The following CADM2 variants were observed in gnomAD, a reference collection of about 807,000 sequenced individuals.
CADM2 encodes immunoglobulin superfamily member 4D.
A neutral mutation model predicts 49.8 loss-of-function variants in CADM2; 12 were observed. The ratio of observed to expected loss-of-function variants is 0.24; its 90% CI spans 0.15 to 0.39. CADM2 has a LOEUF of 0.39. CADM2 is among the 10% of genes least tolerant of loss of function. The pLI, the probability that CADM2 is intolerant of heterozygous loss-of-function variation, is 1.00. For synonymous variants in CADM2, 214 were observed against 175.4 expected, an observed-to-expected ratio of 1.22 and a Z score of -1.74; for missense variants, 378 against 492.3, an observed-to-expected ratio of 0.77 and a Z score of 2.20.
chr3:85,689,355 C>A, intron 1 of CADM2, among the ~76,000 whole-genome samples: 1 of 151,450 alleles, frequency 6.6e-6, no homozygotes, highest in African/African-American at 2.4e-5. Context: ...TTAAATGTTG[C>A]AAAGAAAAAA....
At chr3:85,390,622 G>T (rs1430385303) in intron 1 of CADM2, among the ~76,000 whole-genome samples, 1 of 151,940 alleles carries the variant, frequency 6.6e-6, no homozygotes, top group African/African-American at 2.4e-5. Flanking sequence ...GTTTAATCCT[G>T]TTTTGGGATC....
chr3:85,294,925 C>A (rs943539903), intron 1 of CADM2, among the ~76,000 whole-genome samples: 3 of 152,118 alleles, frequency 2.0e-5, no homozygotes, highest in African/African-American at 4.8e-5. Flanking sequence ...GCAACAAAAG[C>A]CAAAATTGAC....
At chr3:85,507,580 T>C (rs2040416046) in intron 1 of CADM2, among the ~76,000 whole-genome samples, 1 of 152,214 alleles carries the variant, frequency 6.6e-6, no homozygotes, top group East Asian at 1.9e-4. Context: ...GATCTGTCAC[T>C]TTGCAAGTTT....
chr3:85,311,628 G>A (rs1191922913), intron 1 of CADM2, among the ~76,000 whole-genome samples: 6 of 151,842 alleles, frequency 4.0e-5, no homozygotes, highest in African/African-American at 1.5e-4. Flanking sequence ...CGCCCGCCTC[G>A]GCCTCCCAAA....
chr3:85,497,813 T>C (rs1378670444), intron 1 of CADM2, among the ~76,000 whole-genome samples: 1 of 152,152 alleles, frequency 6.6e-6, no homozygotes, highest in Non-Finnish European at 1.5e-5. Flanking sequence ...TTTCTAAAGC[T>C]ATCTATCTGT....
intron 1 of CADM2, among the ~76,000 whole-genome samples, chr3:85,074,650 G>A: frequency 6.6e-6 from 1 of 152,064 alleles, no homozygotes; most frequent in East Asian, 1.9e-4. Context: ...GTAGCAACCT[G>A]GGGGGCAGAA....
chr3:85,890,825 T>C (rs974459268), intron 5 of CADM2, among the ~76,000 whole-genome samples: 9 of 152,114 alleles, frequency 5.9e-5, no homozygotes, highest in African/African-American at 1.9e-4. Context: ...GGGACAAAAG[T>C]AGGTGGTAGG....
intron 1 of CADM2, among the ~76,000 whole-genome samples, chr3:85,530,322 G>GTTTTTT (rs57504567): frequency 0.015 from 453 of 31,224 alleles, 40 homozygotes; most frequent in Non-Finnish European, 0.022. Flanking sequence ...TCTTTTCTCC[G>GTTTTTT]TTTTTTTTTT....
chr3:85,674,074 G>A (rs983449669), intron 1 of CADM2, among the ~76,000 whole-genome samples: 1 of 152,044 alleles, frequency 6.6e-6, no homozygotes, highest in Non-Finnish European at 1.5e-5. Context: ...GTTAAGGTTG[G>A]AATGCAGCAG....
intron 7 of CADM2, among the ~76,000 whole-genome samples, chr3:85,945,212 C>G (rs1198396081): frequency 1.3e-5 from 2 of 152,046 alleles, no homozygotes; most frequent in African/African-American, 4.8e-5. Context: ...CATACACCCT[C>G]CCAAGACTAA....
Position 86,070,204 on chromosome 3 carries a change from C to T in CADM2, c.*3421C>T, listed in dbSNP as rs991137071. On this transcript the variant is annotated 3_prime_UTR_variant, in exon 10 of 10. Coordinates refer to ENST00000383699, the MANE Select transcript of CADM2 (RefSeq NM_001167675.2). ...AACTTTCCTAAATATGGCAAAGAAA[C>T]TAACACCTCATTTATTTTTATTTCT... 2 of 151,862 alleles carry T rather than the reference C, an allele frequency of 1.3e-5. No homozygotes were observed. The highest frequency in any genetic ancestry group is 2.9e-5 in the Non-Finnish European group (2 of 67,826). The allele number at this position is 151,862 out of a possible 1,614,324, so 9.4% of individuals were successfully genotyped here.
intron 1 of CADM2, among the ~76,000 whole-genome samples, chr3:85,440,781 A>G (rs1343347418): frequency 1.3e-5 from 2 of 152,084 alleles, no homozygotes; most frequent in Non-Finnish European, 2.9e-5. Flanking sequence ...TCAGGAGTTC[A>G]AGACCAGTCG....
chr3:85,032,996 T>C (rs1003322545), intron 1 of CADM2, among the ~76,000 whole-genome samples: 2 of 151,416 alleles, frequency 1.3e-5, no homozygotes, highest in African/African-American at 2.5e-5. Context: ...TTTTTAGTTA[T>C]CATTGTTTGC....
chr3:85,830,330 T>A (rs2074128752), intron 3 of CADM2, among the ~76,000 whole-genome samples: 1 of 151,934 alleles, frequency 6.6e-6, no homozygotes, highest in South Asian at 2.1e-4. Flanking sequence ...TTTGGAAAAA[T>A]TTCTATTCAG....
chr3:85,549,929 G>A (rs1212246032), intron 1 of CADM2, among the ~76,000 whole-genome samples: 6 of 151,782 alleles, frequency 4.0e-5, no homozygotes, highest in African/African-American at 1.5e-4. Context: ...ACCACCTAAA[G>A]GTCTTTTTTT....
chr3:85,457,740 AC>A (rs2107582277), intron 1 of CADM2, among the ~76,000 whole-genome samples: 1 of 152,288 alleles, frequency 6.6e-6, no homozygotes, highest in East Asian at 1.9e-4. Context: ...AATGATTGAC[AC>A]TATAATATTA....
intron 1 of CADM2, among the ~76,000 whole-genome samples, chr3:85,190,236 C>CA (rs2041175522): frequency 1.3e-5 from 2 of 152,038 alleles, no homozygotes. Context: ...TACTTGCCCC[C>CA]ATGCCACCAG....
chr3:85,113,792 G>C (rs1270691391), intron 1 of CADM2, among the ~76,000 whole-genome samples: 1 of 150,914 alleles, frequency 6.6e-6, no homozygotes, highest in African/African-American at 2.4e-5. Context: ...GAAAGGGAGA[G>C]GAAGAAGTAC....
At chr3:85,035,501 A>G (rs2035176103) in intron 1 of CADM2, among the ~76,000 whole-genome samples, 1 of 152,158 alleles carries the variant, frequency 6.6e-6, no homozygotes, top group Non-Finnish European at 1.5e-5. Flanking sequence ...TGCTTAGTCC[A>G]CTGTCCAAGA....
Sources: allele counts gnomAD v4.1 joint callset (sites outside exome capture counted in the v4.1 genomes callset), GRCh38; gene constraint gnomAD v4.1.1; transcripts MANE v1.5; gene names NCBI Gene and HGNC (gene_info 2026-07-23, HGNC 2026-07-21).